LTBP1: variants seen among roughly 807,000 people sequenced by gnomAD.
The protein encoded by LTBP1 is latent-transforming growth factor beta-binding protein 1.
A neutral mutation model predicts 207.6 loss-of-function variants in LTBP1; 129 were observed. The observed-to-expected ratio is 0.62, with a 90% CI of 0.54 to 0.72. The LOEUF is 0.72. Among genes scored for constraint, LTBP1 ranks in the 30% least tolerant of loss-of-function variants. LTBP1 has a pLI of 0.00. For synonymous variants in LTBP1, 963 were observed against 833.7 expected (o/e 1.16, Z -2.67); for missense variants, 2,281 against 2,217.2 (o/e 1.03, Z -0.58).
chr2:33,102,456 G>A (rs966621950), intron 3 of LTBP1, among the ~76,000 whole-genome samples: 1 of 152,132 alleles, frequency 6.6e-6, no homozygotes, highest in African/African-American at 2.4e-5. Context: ...GGAAGATTTG[G>A]AATTACTTGG....
chr2:33,023,058 A>G (rs1438044780), intron 3 of LTBP1, among the ~76,000 whole-genome samples: 1 of 152,186 alleles, frequency 6.6e-6, no homozygotes, highest in Non-Finnish European at 1.5e-5. Flanking sequence ...GAACATGAAT[A>G]TAACTGTGTG....
intron 4 of LTBP1, among the ~76,000 whole-genome samples, chr2:33,128,529 G>A (rs952750300): frequency 6.6e-6 from 1 of 152,222 alleles, no homozygotes; most frequent in Non-Finnish European, 1.5e-5. Context: ...GTGCTGCTGC[G>A]AAGACTGGCA....
At chr2:33,266,918 C>T (rs556240314) in intron 15 of LTBP1, among the ~76,000 whole-genome samples, 1 of 152,232 alleles carries the variant, frequency 6.6e-6, no homozygotes, top group Non-Finnish European at 1.5e-5. Flanking sequence ...CCCCCACTCA[C>T]CATGTTGAGG....
intron 13 of LTBP1, 34 bp downstream of exon 13, chr2:33,259,644 T>C: frequency 6.3e-7 from 1 of 1,589,440 alleles, no homozygotes; most frequent in African/African-American, 1.4e-5. Context: ...TCTTTTTTTT[T>C]CAACGCTCAA....
chr2:33,368,740 G>C (rs1041779859), intron 31 of LTBP1, among the ~76,000 whole-genome samples: 2 of 152,178 alleles, frequency 1.3e-5, no homozygotes, highest in African/African-American at 4.8e-5. Flanking sequence ...AGCTGAGCGT[G>C]GTGGTACACA....
intron 2 of LTBP1, among the ~76,000 whole-genome samples, chr2:33,004,805 AT>A (rs1686566050): frequency 1.4e-5 from 2 of 145,202 alleles, no homozygotes; most frequent in Non-Finnish European, 3.0e-5. Context: ...ATATATATAT[AT>A]ATATATATAA....
Position 33,134,636 on chromosome 2 carries a change from T to C in LTBP1, c.1034-157T>C, listed in dbSNP as rs2082008672. ...TACAGAGCAGCGAGCACTGAAGGCT[T>C]CCCTCTTTCCTTAAACCTGTCGGGT... On this transcript the variant is annotated intron_variant, in intron 4 of 33. Transcript: ENST00000404816. The surrounding 1 kb of genome is among the most constrained non-coding windows in gnomAD (Gnocchi z 4.4). 3 of 1,540,074 alleles carry C rather than the reference T, an allele frequency of 1.9e-6. No homozygotes were observed. The highest frequency in any genetic ancestry group is 2.6e-6 in the Non-Finnish European group (3 of 1,143,440).
At chr2:33,309,735 C>A (rs2094153307) in intron 23 of LTBP1, among the ~76,000 whole-genome samples, 179 bp downstream of exon 23, 1 of 152,154 alleles carries the variant, frequency 6.6e-6, no homozygotes, top group South Asian at 2.1e-4. Context: ...TTGCTTTGTC[C>A]AGCATAGTGT....
chr2:32,947,608 T>C lies in LTBP1; in HGVS notation c.284T>C (p.Leu95Pro). 6.8e-6 allele frequency: 9 copies of C among 1,332,912 alleles called. No individual in the cohort carries two copies. In the South Asian group the frequency reaches 1.6e-4, roughly 24 times the overall value. The allele number at this position is 1,332,912 out of a possible 1,614,324, so 82.6% of individuals were successfully genotyped here. A position where few individuals can be genotyped will look rare whatever the true frequency, so the allele number is the denominator to read the frequency against. ...RRTSKPGGAA[L>P]QGLRPPPPPP... is the part of the protein sequence containing the mutation. ...ACGAGCAAGCCGGGCGGCGCGGCCCTGCAGGGGCTCAGACCGCCGCCGCCG... is the reference window on the plus strand; with the variant it reads ...ACGAGCAAGCCGGGCGGCGCGGCCCCGCAGGGGCTCAGACCGCCGCCGCCG... Residue 95 changes from leucine (L) to proline (P), a missense_variant, in exon 1 of 34, where the codon CTG (leucine) becomes CCG (proline). This residue lies in a region of LTBP1 where 555 missense variants were observed against 491.0 expected (regional missense o/e 1.13). Coordinates refer to ENST00000404816, the MANE Select transcript of LTBP1 (RefSeq NM_206943.4).
chr2:33,040,642 TTG>T (rs1246811475), intron 3 of LTBP1, among the ~76,000 whole-genome samples: 1 of 152,186 alleles, frequency 6.6e-6, no homozygotes, highest in Non-Finnish European at 1.5e-5. Flanking sequence ...GCTCCACACT[TTG>T]TGTTCCTGCC....
In LTBP1 at chr2:32,969,702, C is replaced by G. The variant is rs115560537; in HGVS notation, c.565+20757C>G. Among the ~76,000 whole-genome samples the G allele has an allele frequency of 6.2e-3, 939 of 152,248 alleles. 12 individuals are homozygous for G. The highest frequency in any genetic ancestry group is 0.022 in the African/African-American group (896 of 41,550). On this transcript the variant is annotated intron_variant, in intron 2 of 33. Transcript: ENST00000404816. The stretch of plus-strand genomic sequence containing the variant: ...GATGGACATGTAGGTTGGTTCCATG[C>G]ATTTGCTATCGTGAATAGTGCTGTG...
intron 7 of LTBP1, among the ~76,000 whole-genome samples, chr2:33,196,858 G>A (rs2088626386): frequency 6.6e-6 from 1 of 152,144 alleles, no homozygotes; most frequent in Non-Finnish European, 1.5e-5. Context: ...AGAATTAATG[G>A]AGAAAATTCA....
At chr2:33,204,124 C>T (rs1319696436) in intron 7 of LTBP1, among the ~76,000 whole-genome samples, 1 of 152,156 alleles carries the variant, frequency 6.6e-6, no homozygotes, top group Non-Finnish European at 1.5e-5. Flanking sequence ...ACATTTTTTG[C>T]CGTATATTGA....
At chr2:33,249,323 TCACACACACACA>T (rs61249844) in intron 10 of LTBP1, among the ~76,000 whole-genome samples, 6,380 of 141,404 alleles carry the variant, frequency 0.045, 163 homozygotes, top group Non-Finnish European at 0.064. Context: ...GTCTGATTTT[TCACACACACACA>T]CACACACACA....
chr2:33,318,760 T>A (rs1573809759), intron 24 of LTBP1, among the ~76,000 whole-genome samples: 1 of 152,346 alleles, frequency 6.6e-6, no homozygotes, highest in East Asian at 1.9e-4. Flanking sequence ...AGGAAACTTT[T>A]TCTTTCACTC....
In LTBP1 at chr2:33,035,722, G is replaced by A. The variant is rs183490333; in HGVS notation, c.863+14516G>A. On this transcript the variant is annotated intron_variant, in intron 3 of 33. Transcript: ENST00000404816. ...TTTGTTAGAATTGAGTTCACATGGG[G>A]TATAATTCTACGTTCACGACTTGAC... 1.3e-3 allele frequency among the ~76,000 whole-genome samples: 198 copies of A among 152,276 alleles called. 3 individuals are homozygous for A. Among genetic ancestry groups the A allele is most frequent in the Middle Eastern group, 0.01 (3 of 294 alleles).
intron 5 of LTBP1, among the ~76,000 whole-genome samples, chr2:33,145,425 A>G (rs2082948543): frequency 1.3e-5 from 2 of 152,204 alleles, no homozygotes; most frequent in Non-Finnish European, 2.9e-5. Context: ...GATTCTCCCT[A>G]GAAGAGGTAA....
chr2:33,370,711 T>TC (rs1466098368), intron 31 of LTBP1, among the ~76,000 whole-genome samples: 1 of 152,204 alleles, frequency 6.6e-6, no homozygotes, highest in Non-Finnish European at 1.5e-5. Flanking sequence ...GACCACGTTG[T>TC]CTATCTCTTC....
intron 2 of LTBP1, among the ~76,000 whole-genome samples, chr2:33,002,076 C>CT (rs2148982017): frequency 7.4e-6 from 1 of 134,422 alleles, no homozygotes; most frequent in African/African-American, 2.6e-5. Context: ...ACACCAGTCA[C>CT]TGTTGGGAAA....
Sources: allele counts gnomAD v4.1 joint callset (sites outside exome capture counted in the v4.1 genomes callset), GRCh38; gene constraint gnomAD v4.1.1; regional missense constraint gnomAD v4.1.1; non-coding constraint Gnocchi (gnomAD v3.1); transcripts MANE v1.5; gene names NCBI Gene and HGNC (gene_info 2026-07-23, HGNC 2026-07-21).